The following SV2C variants were observed in gnomAD, a reference collection of about 807,000 sequenced individuals.
SV2C encodes synaptic vesicle glycoprotein 2C, also known as solute carrier family 22 member B3.
A neutral mutation model predicts 79.7 loss-of-function variants in SV2C; 49 were observed. The observed-to-expected ratio is 0.61, with a 90% confidence interval of 0.49 to 0.78. SV2C has a LOEUF of 0.78. SV2C is among the 30% of genes least tolerant of loss of function. The pLI, the probability that SV2C is intolerant of heterozygous loss-of-function variation, is 0.00. For synonymous variants in SV2C, 334 were observed against 333.2 expected, an observed-to-expected ratio of 1.00 and a Z score of -0.03; for missense variants, 833 against 912.9, an observed-to-expected ratio of 0.91 and a Z score of 1.13.
chr5:75,924,977 GAAATA>G, the SV2C span, among the ~76,000 whole-genome samples: 1 of 152,070 alleles, frequency 6.6e-6, no homozygotes, highest in Non-Finnish European at 1.5e-5. Context: ...AACACCCTAG[GAAATA>G]AAATTATTGA....
the SV2C span, among the ~76,000 whole-genome samples, chr5:76,072,041 G>GA: frequency 6.6e-6 from 1 of 151,976 alleles, no homozygotes. Flanking sequence ...AAAGGAGAGA[G>GA]AAAAAATTCA....
intron 4 of SV2C, among the ~76,000 whole-genome samples, chr5:76,257,017 C>T (rs1468485807): frequency 6.6e-6 from 1 of 152,186 alleles, no homozygotes; most frequent in African/African-American, 2.4e-5. Flanking sequence ...ACCTCTGTAT[C>T]AAAGCACATT....
At chr5:76,320,148 T>C (rs1260061476) in intron 12 of SV2C, among the ~76,000 whole-genome samples, 2 of 147,984 alleles carry the variant, frequency 1.4e-5, no homozygotes, top group Non-Finnish European at 3.0e-5. Context: ...CCTCGTCTCG[T>C]CTTCCTTTTT....
intron 12 of SV2C, among the ~76,000 whole-genome samples, chr5:76,313,298 C>T (rs942074487): frequency 1.4e-4 from 22 of 152,120 alleles, no homozygotes; most frequent in African/African-American, 4.8e-4. Flanking sequence ...CCTATGTAAT[C>T]CACTCCATCC....
chr5:76,325,509 C>T lies in SV2C; in HGVS notation c.2146C>T (p.Leu716=). ...GCTCGTGTGTGGAGGACTCGTTGGG[C>T]TGTGCCTGCCTGACACACGAACCCA... ...TVLVCGGLVG[L]CLPDTRTQVL... is the part of the protein sequence containing the mutation. Residue 716 remains leucine, a synonymous_variant, in exon 13 of 13, where the codon CTG becomes TTG. Coordinates refer to ENST00000502798, the MANE Select transcript of SV2C (RefSeq NM_014979.4). 1 of 1,614,144 alleles carries T rather than the reference C, an allele frequency of 6.2e-7. No homozygotes were observed. The highest frequency in any genetic ancestry group is 8.5e-7 in the Non-Finnish European group (1 of 1,180,012).
At chr5:75,952,701 C>T in the SV2C span, among the ~76,000 whole-genome samples, 56 of 151,904 alleles carry the variant, frequency 3.7e-4, no homozygotes, top group Non-Finnish European at 6.0e-4. Context: ...TGGGTAAATG[C>T]TCCTGAGGAC....
chr5:75,908,915 T>G, the SV2C span, among the ~76,000 whole-genome samples: 861 of 145,400 alleles, frequency 5.9e-3, 3 homozygotes, highest in African/African-American at 0.023. Flanking sequence ...TTGAAAAACT[T>G]TTGATATTCA....
At chr5:76,283,585 G>GT (rs1039649122) in intron 4 of SV2C, among the ~76,000 whole-genome samples, 1 of 152,152 alleles carries the variant, frequency 6.6e-6, no homozygotes, top group Non-Finnish European at 1.5e-5. Context: ...CCATCATAGG[G>GT]TTTTTTTCTG....
the SV2C span, among the ~76,000 whole-genome samples, chr5:75,946,955 T>G: frequency 1.3e-5 from 2 of 152,106 alleles, no homozygotes; most frequent in Admixed American, 1.3e-4. Context: ...CTGTTTTATT[T>G]TTGCATTTGT....
chr5:75,888,428 C>T, the SV2C span, among the ~76,000 whole-genome samples: 5,134 of 151,940 alleles, frequency 0.034, 269 homozygotes, highest in African/African-American at 0.11. Context: ...CCTCATTTCA[C>T]GTCACTCCCT....
chr5:75,967,889 AC>A, the SV2C span, among the ~76,000 whole-genome samples: 1 of 152,134 alleles, frequency 6.6e-6, no homozygotes, highest in Non-Finnish European at 1.5e-5. Flanking sequence ...TGGGTCCCTG[AC>A]CCCCAAGTAG....
chr5:75,852,823 C>G, the SV2C span, among the ~76,000 whole-genome samples: 2 of 76,972 alleles, frequency 2.6e-5, no homozygotes, highest in African/African-American at 2.1e-4. Context: ...GAGACTCCGT[C>G]TCAAAAAAAA....
chr5:75,889,500 T>C, the SV2C span, among the ~76,000 whole-genome samples: 1 of 152,158 alleles, frequency 6.6e-6, no homozygotes, highest in East Asian at 1.9e-4. Flanking sequence ...CAGTCTACCA[T>C]TGATGGGCAT....
the SV2C span, among the ~76,000 whole-genome samples, chr5:75,937,355 T>G: frequency 6.6e-6 from 1 of 152,176 alleles, no homozygotes; most frequent in Admixed American, 6.5e-5. Context: ...CATTACTTCC[T>G]CTTTTACATC....
At chr5:76,334,935 A>G (rs1749281940), downstream of SV2C, among the ~76,000 whole-genome samples, 1 of 152,218 alleles carries the variant, frequency 6.6e-6, no homozygotes, top group African/African-American at 2.4e-5. Context: ...AAGGCAGGTA[A>G]CTGCTGGGTA....
intron 12 of SV2C, among the ~76,000 whole-genome samples, chr5:76,352,406 G>A (rs1749659198): frequency 6.6e-6 from 1 of 152,220 alleles, no homozygotes. Flanking sequence ...CCTTTAAGAG[G>A]TAATTAGGTC....
chr5:75,956,208 A>T, the SV2C span, among the ~76,000 whole-genome samples: 1 of 143,616 alleles, frequency 7.0e-6, no homozygotes, highest in Non-Finnish European at 1.6e-5. Context: ...ATGGAATACT[A>T]TGCAGCCATA....
chr5:76,333,767 A>G lies in SV2C; in HGVS notation c.*8220A>G, dbSNP rs555909369. 1 of 152,224 alleles carries G rather than the reference A, an allele frequency of 6.6e-6. No individual in the cohort carries two copies. Among genetic ancestry groups the G allele is most frequent in the Non-Finnish European group, 1.5e-5 (1 of 68,040 alleles). The allele number at this position is 152,224 out of a possible 1,614,324, so 9.4% of individuals were successfully genotyped here. ...TTTTGACAAATATCCCGAGACAGCC[A>G]TGCGTATCCTTGTGAAAGGGCATGC... On this transcript the variant is annotated 3_prime_UTR_variant, in exon 13 of 13. Coordinates refer to ENST00000502798, the MANE Select transcript of SV2C (RefSeq NM_014979.4).
At chr5:76,244,709 T>G (rs1461579131) in intron 4 of SV2C, among the ~76,000 whole-genome samples, 1 of 152,228 alleles carries the variant, frequency 6.6e-6, no homozygotes, top group African/African-American at 2.4e-5. Flanking sequence ...CAGTTCATAT[T>G]CAAGTTGATC....
Sources: allele counts gnomAD v4.1 joint callset (sites outside exome capture counted in the v4.1 genomes callset), GRCh38; gene constraint gnomAD v4.1.1; transcripts MANE v1.5; gene names NCBI Gene and HGNC (gene_info 2026-07-23, HGNC 2026-07-21).